Variants in RUBCN observed in about 807,000 individuals in gnomAD.
RUBCN encodes the protein run domain Beclin-1-interacting and cysteine-rich domain-containing protein.
In RUBCN, 74 loss-of-function variants were observed where a neutral mutation model predicts 113.2. That is an observed-to-expected ratio of 0.65 (90% CI 0.54 to 0.79). The LOEUF is 0.79. RUBCN is among the 30% of genes least tolerant of loss of function. RUBCN has a pLI of 0.00. For missense variants in RUBCN, 1,109 were observed against 1,251.7 expected (o/e 0.89, Z 1.72); for synonymous variants, 480 against 490.0 (o/e 0.98, Z 0.27).
chr3:197,712,833 T>G (rs2108942876), intron 2 of RUBCN, among the ~76,000 whole-genome samples: 1 of 151,828 alleles, frequency 6.6e-6, no homozygotes, highest in South Asian at 2.1e-4. Flanking sequence ...TTCATTCTGA[T>G]GACCAGATAC....
intron 1 of RUBCN, among the ~76,000 whole-genome samples, chr3:197,729,673 C>T (rs558992943): frequency 6.6e-6 from 1 of 152,292 alleles, no homozygotes; most frequent in African/African-American, 2.4e-5. Context: ...ATTCTCCTGC[C>T]TAGCCTCCTG....
chr3:197,688,315 C>G (rs937582544), intron 11 of RUBCN, among the ~76,000 whole-genome samples: 3 of 151,624 alleles, frequency 2.0e-5, no homozygotes, highest in Non-Finnish European at 4.4e-5. Flanking sequence ...GTGTGAGCCA[C>G]CGCTGGTCTC....
chr3:197,682,733 C>T (rs528536669), intron 13 of RUBCN, 118 bp from the exon 14 acceptor site: 19 of 1,350,620 alleles, frequency 1.4e-5, no homozygotes, highest in South Asian at 4.9e-5. Flanking sequence ...TAAGTTCACA[C>T]GGACGGGCTT....
At chr3:197,728,733 C>T (rs917934582) in intron 1 of RUBCN, among the ~76,000 whole-genome samples, 8 of 152,020 alleles carry the variant, frequency 5.3e-5, no homozygotes, top group Non-Finnish European at 8.8e-5. Flanking sequence ...GAATTCAGAA[C>T]GTAATGGGGG....
At position 197,683,906 on chromosome 3, in the gene RUBCN, G is replaced by C. The variant is rs1721542249; in HGVS notation, c.1847+251C>G. ...TCTTTTGAGACCTTCTGGGGCCTCTGGTTATGATGAGAGTCAGCAGAGAAG... is the reference window on the plus strand; with the variant it reads ...TCTTTTGAGACCTTCTGGGGCCTCTCGTTATGATGAGAGTCAGCAGAGAAG... On this transcript the variant is annotated intron_variant, in intron 12 of 19. Coordinates refer to ENST00000296343, the MANE Select transcript of RUBCN (RefSeq NM_014687.4). This position sits in a 1 kb window ranked among gnomAD's most constrained non-coding sequence, Gnocchi z 4.6. Among the ~76,000 whole-genome samples, 1 of 152,098 alleles carries C rather than the reference G, an allele frequency of 6.6e-6. No homozygotes were observed. The highest frequency in any genetic ancestry group is 2.4e-5 in the African/African-American group (1 of 41,414).
At chr3:197,689,171 C>T (rs540437076) in intron 11 of RUBCN, among the ~76,000 whole-genome samples, 4 of 151,778 alleles carry the variant, frequency 2.6e-5, no homozygotes, top group East Asian at 1.9e-4. Context: ...ATTACAGGCA[C>T]GCACCACCAC....
chr3:197,694,592 G>A lies in RUBCN; in HGVS notation c.1474-7C>T, dbSNP rs201674945. The A allele has an allele frequency of 2.2e-5, 35 of 1,611,192 alleles. No individual in the cohort carries two copies. Among genetic ancestry groups the A allele is most frequent in the Non-Finnish European group, 3.4e-6 (4 of 1,177,412 alleles). On this transcript the variant is annotated splice_polypyrimidine_tract_variant and splice_region_variant and intron_variant, in intron 9 of 19. Coordinates refer to ENST00000296343, the MANE Select transcript of RUBCN (RefSeq NM_014687.4). Reference sequence around the variant, plus strand: ...TGCTGAAGTGGGCATTCTCCTGGCGGAAGGAGAGCACCAAACAGGCAAAGG... The same window carrying A: ...TGCTGAAGTGGGCATTCTCCTGGCGAAAGGAGAGCACCAAACAGGCAAAGG...
At chr3:197,732,568 C>T (rs1051779502) in intron 1 of RUBCN, among the ~76,000 whole-genome samples, 1 of 152,248 alleles carries the variant, frequency 6.6e-6, no homozygotes, top group Non-Finnish European at 1.5e-5. Context: ...CCACCTTGGC[C>T]TCCCAAAGTG....
At chr3:197,731,966 C>G (rs903309379) in intron 1 of RUBCN, among the ~76,000 whole-genome samples, 1 of 152,242 alleles carries the variant, frequency 6.6e-6, no homozygotes, top group Non-Finnish European at 1.5e-5. Flanking sequence ...ACCCTGGTGA[C>G]TGCTTACATA....
intron 9 of RUBCN, among the ~76,000 whole-genome samples, 184 bp from the exon 10 acceptor site, chr3:197,694,769 C>T (rs1301224623): frequency 2.0e-5 from 3 of 152,162 alleles, no homozygotes; most frequent in South Asian, 2.1e-4. Flanking sequence ...TTTCTTCACT[C>T]TCTTACTTTG....
At chr3:197,692,088 G>A (rs759202206) in intron 11 of RUBCN, among the ~76,000 whole-genome samples, 1 of 152,074 alleles carries the variant, frequency 6.6e-6, no homozygotes, top group Non-Finnish European at 1.5e-5. Flanking sequence ...CACGTCATTA[G>A]AGGGTTAGAG....
intron 11 of RUBCN, 93 bp from the exon 12 acceptor site, chr3:197,684,310 C>T (rs973726350): frequency 7.6e-6 from 7 of 923,010 alleles, no homozygotes; most frequent in Non-Finnish European, 1.3e-5. Flanking sequence ...GCTAAGCTCT[C>T]AGGGTAACAG....
At chr3:197,720,180 T>TACCCTCCTC in intron 1 of RUBCN, among the ~76,000 whole-genome samples, 1 of 152,246 alleles carries the variant, frequency 6.6e-6, no homozygotes, top group South Asian at 2.1e-4. Flanking sequence ...TTCTCCCTCC[T>TACCCTCCTC]ACCCTCCTCA....
At chr3:197,699,986 G>A (rs1462980453) in intron 7 of RUBCN, among the ~76,000 whole-genome samples, 2 of 152,176 alleles carry the variant, frequency 1.3e-5, no homozygotes, top group African/African-American at 4.8e-5. Flanking sequence ...ATGGCAGGGA[G>A]ATGGCAAAAG....
chr3:197,699,434 C>T (rs568701005), intron 7 of RUBCN, among the ~76,000 whole-genome samples: 6 of 152,334 alleles, frequency 3.9e-5, no homozygotes, highest in Middle Eastern at 3.4e-3. Flanking sequence ...CACATTTTCG[C>T]GGGCTCCCTT....
intron 3 of RUBCN, 75 bp from the exon 4 acceptor site, chr3:197,704,776 A>AT (rs1309852766): frequency 2.1e-6 from 3 of 1,445,318 alleles, no homozygotes; most frequent in Non-Finnish European, 2.9e-6. Flanking sequence ...ATGACCTGAG[A>AT]ACTAAATTGA....
rs1720102575 is a variant in RUBCN at position 197,674,405 on chromosome 3, T to A, written c.*613A>T. On this transcript the variant is annotated 3_prime_UTR_variant, in exon 20 of 20. Transcript: ENST00000296343. ...GGAACTCCCGGCAACATAGGGACAT[T>A]CACAGCTGCCTCTGAGGTCTCTGAG... 3.6e-6 allele frequency: 1 copy of A among 281,080 alleles called. No individual in the cohort carries two copies. Among genetic ancestry groups the A allele is most frequent in the East Asian group, 1.0e-4 (1 of 9,696 alleles). 17.4% of individuals were successfully genotyped at this position (281,080 alleles called of 1,614,324 possible).
At chr3:197,732,175 G>C (rs1339378042) in intron 1 of RUBCN, among the ~76,000 whole-genome samples, 1 of 152,222 alleles carries the variant, frequency 6.6e-6, no homozygotes, top group African/African-American at 2.4e-5. Flanking sequence ...GCACTGAGCA[G>C]TACATGTACC....
rs774203889 is a variant in RUBCN, at chr3:197,677,433, C to G, written c.2492+47G>C. The G allele has an allele frequency of 2.6e-6, 4 of 1,514,912 alleles. No homozygotes were observed. In the African/African-American group the frequency reaches 5.5e-5, roughly 21 times the overall value. 93.8% of individuals were successfully genotyped at this position (1,514,912 alleles called of 1,614,324 possible). A position where few individuals can be genotyped will look rare whatever the true frequency, so the allele number is the denominator to read the frequency against. On this transcript the variant is annotated intron_variant, in intron 17 of 19. Transcript: ENST00000296343. ...GCCAAGCGCGGGGATGTGTCCCTTT[C>G]GGAGACAGCAACGTGGCCAGAGGGC...
Sources: gnomAD v4.1 joint callset for allele counts (sites outside exome capture counted in the v4.1 genomes callset) on GRCh38, gnomAD v4.1.1 for gene constraint, Gnocchi (gnomAD v3.1) non-coding constraint, MANE v1.5 for transcripts, NCBI Gene and HGNC (gene_info 2026-07-23, HGNC 2026-07-21) for gene names.